KCNJ6: variants seen among roughly 807,000 people sequenced by gnomAD.
KCNJ6 encodes potassium inwardly rectifying channel subfamily J member 6.
Under a neutral mutation model 34.2 loss-of-function variants are expected in KCNJ6, and 9 were observed. The ratio of observed to expected loss-of-function variants is 0.26; its 90% CI spans 0.16 to 0.46. The LOEUF is 0.46. KCNJ6 is among the 20% of genes least tolerant of loss of function. The pLI, the probability that KCNJ6 is intolerant of heterozygous loss-of-function variation, is 1.00. For missense variants in KCNJ6, 236 were observed against 531.3 expected (o/e 0.44, Z 5.46); for synonymous variants, 196 against 207.1 (o/e 0.95, Z 0.46).
rs557875363 is a variant in KCNJ6, at chr21:37,710,318, AC to A, written c.946+3892del. ...AAAAGAATCCTTATCTTTTAGGGGCACATACCGAAATATTTGCAGATGAGGA... is the reference window on the plus strand; with the variant it reads ...AAAAGAATCCTTATCTTTTAGGGGCAATACCGAAATATTTGCAGATGAGGA... On this transcript the variant is annotated intron_variant, in intron 3 of 3. Coordinates refer to ENST00000609713, the MANE Select transcript of KCNJ6 (RefSeq NM_002240.5). 1.9e-3 allele frequency among the ~76,000 whole-genome samples: 289 copies of A among 152,346 alleles called. 1 individual carries two copies. The highest frequency in any genetic ancestry group is 6.7e-3 in the African/African-American group (279 of 41,578).
intron 2 of KCNJ6, among the ~76,000 whole-genome samples, chr21:37,778,452 T>TC (rs71330309): frequency 0.18 from 27,866 of 152,172 alleles, 3,235 homozygotes; most frequent in Non-Finnish European, 0.25. Flanking sequence ...TATACTTTTT[T>TC]TTGTATTTTT....
chr21:37,686,963 G>A (rs1055179963), intron 3 of KCNJ6, among the ~76,000 whole-genome samples: 3 of 152,130 alleles, frequency 2.0e-5, no homozygotes, highest in Non-Finnish European at 4.4e-5. Context: ...TTAAAGGCAG[G>A]CAAATTCAGA....
At chr21:37,710,486 G>T (rs1451835487) in intron 3 of KCNJ6, among the ~76,000 whole-genome samples, 3 of 152,210 alleles carry the variant, frequency 2.0e-5, no homozygotes, top group Non-Finnish European at 4.4e-5. Flanking sequence ...AGTCTGATAG[G>T]TTCCATCAAA....
At chr21:37,749,895 C>A (rs2054986507) in intron 2 of KCNJ6, among the ~76,000 whole-genome samples, 1 of 152,186 alleles carries the variant, frequency 6.6e-6, no homozygotes, top group Non-Finnish European at 1.5e-5. Context: ...ACCTATGCAG[C>A]CTGCCTTGCA....
At chr21:37,893,358 C>T (rs2055772058) in intron 1 of KCNJ6, among the ~76,000 whole-genome samples, 1 of 152,104 alleles carries the variant, frequency 6.6e-6, no homozygotes, top group South Asian at 2.1e-4. Context: ...CAGGCACCTG[C>T]CACCGTGCCC....
At chr21:37,840,788 ATC>A in intron 1 of KCNJ6, 79 bp from the exon 2 acceptor site, 2 of 749,836 alleles carry the variant, frequency 2.7e-6, no homozygotes, top group South Asian at 3.7e-5. Flanking sequence ...TTACAGCTAT[ATC>A]TCTCTTCCTT....
intron 2 of KCNJ6, among the ~76,000 whole-genome samples, chr21:37,835,136 C>T (rs771450856): frequency 1.3e-5 from 2 of 152,216 alleles, no homozygotes; most frequent in Non-Finnish European, 2.9e-5. Flanking sequence ...AGGAAGCCAA[C>T]TCCTTCTGCC....
chr21:37,651,737 G>A (rs1343048177), intron 3 of KCNJ6, among the ~76,000 whole-genome samples: 13 of 152,222 alleles, frequency 8.5e-5, no homozygotes, highest in Admixed American at 7.9e-4. Context: ...TTGAGAAGGA[G>A]TGTGTGAGTT....
chr21:37,672,155 G>C (rs2054545243), intron 3 of KCNJ6, among the ~76,000 whole-genome samples: 1 of 152,154 alleles, frequency 6.6e-6, no homozygotes, highest in African/African-American at 2.4e-5. Flanking sequence ...CTTGGCTTAA[G>C]CAAGTCCATA....
rs1417633804 is a variant in KCNJ6 at position 37,617,022 on chromosome 21, TTC to T, written c.*8135_*8136del. Reference sequence around the variant, plus strand: ...TTCTCTTTCTTTTCTCTTTCTTTCTTTCTTTCTTTCTTTCTTTCTTTCTTTCT... The same window carrying T: ...TTCTCTTTCTTTTCTCTTTCTTTCTTTTTCTTTCTTTCTTTCTTTCTTTCT... On this transcript the variant is annotated 3_prime_UTR_variant, in exon 4 of 4. Transcript: ENST00000609713. 5 of 21,052 alleles carry T rather than the reference TTC, an allele frequency of 2.4e-4. No individual in the cohort carries two copies. The highest frequency in any genetic ancestry group is 8.8e-4 in the African/African-American group (4 of 4,570). 1.3% of individuals were successfully genotyped at this position (21,052 alleles called of 1,614,324 possible). A position where few individuals can be genotyped will look rare whatever the true frequency, so the allele number is the denominator to read the frequency against.
chr21:37,806,522 G>A (rs1395141062), intron 2 of KCNJ6, among the ~76,000 whole-genome samples: 1 of 152,140 alleles, frequency 6.6e-6, no homozygotes, highest in African/African-American at 2.4e-5. Flanking sequence ...ATGATTGTAA[G>A]GTCTTCCTCC....
chr21:37,715,017 T>A lies in KCNJ6; in HGVS notation c.140A>T (p.Asp47Val). The A allele has an allele frequency of 6.2e-7, 1 of 1,614,226 alleles. No homozygotes were observed. Among genetic ancestry groups the A allele is most frequent in the Non-Finnish European group, 8.5e-7 (1 of 1,180,044 alleles). The part of the protein sequence containing the change: ...RDDLPRHISR[D>V]RTKRKIQRYV... The stretch of plus-strand genomic sequence containing the variant: ...CCTCTGGATTTTCCTTTTGGTCCGA[T>A]CTCGGCTGATGTGTCTTGGCAGGTC... The change falls in exon 3 of 4, where the codon GAT (aspartate) becomes GTT (valine). Residue 47 changes from aspartate (D) to valine (V), a missense_variant. Transcript: ENST00000609713.
At chr21:37,779,827 ATCT>A (rs2055160578) in intron 2 of KCNJ6, among the ~76,000 whole-genome samples, 1 of 152,212 alleles carries the variant, frequency 6.6e-6, no homozygotes, top group African/African-American at 2.4e-5. Flanking sequence ...TGTACTGAAA[ATCT>A]TCTACCCTTG....
At chr21:37,887,994 T>C (rs2055743873) in intron 1 of KCNJ6, among the ~76,000 whole-genome samples, 1 of 152,216 alleles carries the variant, frequency 6.6e-6, no homozygotes, top group South Asian at 2.1e-4. Flanking sequence ...AGACCAAGGC[T>C]TGTTGCTGCC....
intron 1 of KCNJ6, among the ~76,000 whole-genome samples, chr21:37,841,254 A>G (rs1011536874): frequency 7.9e-5 from 12 of 152,226 alleles, no homozygotes; most frequent in Admixed American, 6.5e-4. Context: ...TAACCGAGAT[A>G]TAGGTTATAA....
chr21:37,886,155 A>G (rs1362809818), intron 1 of KCNJ6, among the ~76,000 whole-genome samples: 1 of 152,148 alleles, frequency 6.6e-6, no homozygotes, highest in Non-Finnish European at 1.5e-5. Flanking sequence ...TAGCCTGTTA[A>G]CCACAGCTCT....
At chr21:37,760,176 G>T (rs2055053597) in intron 2 of KCNJ6, among the ~76,000 whole-genome samples, 1 of 152,190 alleles carries the variant, frequency 6.6e-6, no homozygotes. Flanking sequence ...AGCCAAGCTG[G>T]TCCTGAATTC....
At position 37,841,953 on chromosome 21, in the gene KCNJ6, G is replaced by C. The variant is rs116812110; in HGVS notation, c.-27-1244C>G. 9.4e-3 allele frequency among the ~76,000 whole-genome samples: 1,426 copies of C among 152,268 alleles called. 20 individuals are homozygous for C. The highest frequency in any genetic ancestry group is 0.033 in the African/African-American group (1,367 of 41,544). On this transcript the variant is annotated intron_variant, in intron 1 of 3. Coordinates refer to ENST00000609713, the MANE Select transcript of KCNJ6 (RefSeq NM_002240.5). ...AGGTGAGGTATGGCTTGGTCAAAAA[G>C]TCTAAATACTAAAAATTCTGACATA...
intron 2 of KCNJ6, among the ~76,000 whole-genome samples, chr21:37,720,307 C>T (rs1426582686): frequency 6.6e-6 from 1 of 152,190 alleles, no homozygotes; most frequent in Admixed American, 6.5e-5. Flanking sequence ...CCATCCCATA[C>T]AGCTGACAAT....
Sources: gnomAD v4.1 joint callset for allele counts (sites outside exome capture counted in the v4.1 genomes callset) on GRCh38, gnomAD v4.1.1 for gene constraint, MANE v1.5 for transcripts, NCBI Gene and HGNC (gene_info 2026-07-23, HGNC 2026-07-21) for gene names.